Variants in CTNNA3 observed in about 807,000 individuals in gnomAD.
The protein encoded by CTNNA3 is catenin alpha-3.
Under a neutral mutation model 95.7 loss-of-function variants are expected in CTNNA3, and 76 were observed. That is an observed-to-expected ratio of 0.79 (90% CI 0.66 to 0.96). The LOEUF is 0.96. Among genes scored for constraint, CTNNA3 ranks in the 40% least tolerant of loss-of-function variants. The pLI is 0.00. For synonymous variants in CTNNA3, 431 were observed against 374.4 expected, an observed-to-expected ratio of 1.15 and a Z score of -1.74; for missense variants, 1,191 against 1,089.8, an observed-to-expected ratio of 1.09 and a Z score of -1.31.
intron 11 of CTNNA3, among the ~76,000 whole-genome samples, chr10:66,443,882 C>T (rs1035700815): frequency 6.6e-6 from 1 of 152,082 alleles, no homozygotes; most frequent in Non-Finnish European, 1.5e-5. Flanking sequence ...CTCCGAGCTA[C>T]AGGAGGAAAT....
At chr10:66,845,719 A>AAAAAAAAAAAAAAAAAAAAAAAC (rs1843236760) in intron 7 of CTNNA3, among the ~76,000 whole-genome samples, 1 of 73,226 alleles carries the variant, frequency 1.4e-5, no homozygotes, top group African/African-American at 4.2e-5. Flanking sequence ...AAAAAAAAAA[A>AAAAAAAAAAAAAAAAAAAAAAAC]AAAAAAAAAA....
chr10:66,045,995 G>T lies in CTNNA3; in HGVS notation c.2159+23313C>A, dbSNP rs141052557. On this transcript the variant is annotated intron_variant, in intron 15 of 17. Coordinates refer to ENST00000433211, the MANE Select transcript of CTNNA3 (RefSeq NM_013266.4). ...AGATGGCCGACTAGATGCAGCTGGTGTGCATGGCTGTCAGGGAGAAGAATG... is the reference window on the plus strand; with the variant it reads ...AGATGGCCGACTAGATGCAGCTGGTTTGCATGGCTGTCAGGGAGAAGAATG... Among the ~76,000 whole-genome samples, 653 of 152,322 alleles carry T rather than the reference G, an allele frequency of 4.3e-3. 5 individuals are homozygous for T. Among genetic ancestry groups the T allele is most frequent in the Middle Eastern group, 0.024 (7 of 294 alleles).
chr10:66,252,686 A>T (rs1433410757), intron 13 of CTNNA3, among the ~76,000 whole-genome samples: 1 of 152,208 alleles, frequency 6.6e-6, no homozygotes, highest in Non-Finnish European at 1.5e-5. Context: ...ACGAATAAAA[A>T]TTATTATAGA....
intron 9 of CTNNA3, among the ~76,000 whole-genome samples, chr10:66,639,138 TG>T (rs1845432887): frequency 6.6e-6 from 1 of 152,154 alleles, no homozygotes; most frequent in African/African-American, 2.4e-5. Flanking sequence ...CTGAAATCAC[TG>T]TTTTGGGAGC....
chr10:66,023,924 C>G (rs1453818631), intron 15 of CTNNA3, among the ~76,000 whole-genome samples: 1 of 152,062 alleles, frequency 6.6e-6, no homozygotes, highest in East Asian at 1.9e-4. Context: ...GAAACTCGTT[C>G]TACGATATTT....
intron 10 of CTNNA3, among the ~76,000 whole-genome samples, chr10:66,542,057 C>G (rs539847199): frequency 6.6e-6 from 1 of 152,034 alleles, no homozygotes; most frequent in Non-Finnish European, 1.5e-5. Flanking sequence ...AAACAAACAA[C>G]CCCATCAAAA....
At chr10:66,232,772 A>G (rs968920924) in intron 13 of CTNNA3, among the ~76,000 whole-genome samples, 4 of 152,184 alleles carry the variant, frequency 2.6e-5, no homozygotes, top group African/African-American at 9.7e-5. Context: ...AAAAGAGAAA[A>G]GATGATTGAT....
chr10:67,432,160 C>G (rs1035397456), intron 5 of CTNNA3, among the ~76,000 whole-genome samples: 1 of 151,662 alleles, frequency 6.6e-6, no homozygotes, highest in Non-Finnish European at 1.5e-5. Context: ...GGTCTGGAAC[C>G]AATTAACTAA....
At chr10:67,571,835 T>C (rs1841990720) in intron 3 of CTNNA3, among the ~76,000 whole-genome samples, 2 of 152,184 alleles carry the variant, frequency 1.3e-5, no homozygotes, top group Non-Finnish European at 2.9e-5. Flanking sequence ...TGACTGAGGA[T>C]CTGAATTTCT....
intron 7 of CTNNA3, among the ~76,000 whole-genome samples, chr10:66,860,606 T>A (rs1843878793): frequency 2.0e-5 from 3 of 152,218 alleles, no homozygotes; most frequent in Non-Finnish European, 4.4e-5. Context: ...TGTTTCTCTG[T>A]TCCTGTGTAT....
At chr10:66,780,801 A>G (rs1170319509) in intron 7 of CTNNA3, among the ~76,000 whole-genome samples, 1 of 152,204 alleles carries the variant, frequency 6.6e-6, no homozygotes, top group Non-Finnish European at 1.5e-5. Context: ...AAGACTGGAT[A>G]AGGTTTTGGC....
chr10:66,183,516 T>G (rs925403133), intron 13 of CTNNA3, among the ~76,000 whole-genome samples: 5 of 152,262 alleles, frequency 3.3e-5, no homozygotes, highest in Non-Finnish European at 5.9e-5. Context: ...TTCCACTTTT[T>G]AAGTGCTATG....
chr10:66,801,111 C>A (rs1325193342), intron 7 of CTNNA3, among the ~76,000 whole-genome samples: 4 of 151,148 alleles, frequency 2.6e-5, no homozygotes, highest in Non-Finnish European at 5.9e-5. Flanking sequence ...CACCTCTATT[C>A]AATAATAAGC....
chr10:66,872,391 G>A (rs1196670502), intron 7 of CTNNA3, among the ~76,000 whole-genome samples: 1 of 152,086 alleles, frequency 6.6e-6, no homozygotes, highest in Non-Finnish European at 1.5e-5. Flanking sequence ...AATTTTCGCT[G>A]GGTTCAGTGG....
intron 5 of CTNNA3, among the ~76,000 whole-genome samples, chr10:67,341,240 T>G (rs1842174807): frequency 1.3e-5 from 2 of 152,222 alleles, no homozygotes; most frequent in African/African-American, 4.8e-5. Context: ...AAATTATTAT[T>G]GACTATAGTC....
intron 2 of CTNNA3, among the ~76,000 whole-genome samples, chr10:67,631,641 G>A (rs530352762): frequency 1.3e-5 from 2 of 152,300 alleles, no homozygotes; most frequent in South Asian, 4.1e-4. Flanking sequence ...ATGTTTTCCA[G>A]TGAAATCAGA....
chr10:66,200,783 A>G lies in CTNNA3; in HGVS notation c.1884+79687T>C, dbSNP rs74141252. On this transcript the variant is annotated intron_variant, in intron 13 of 17. Transcript: ENST00000433211. ...TATTAAACATTACCCAGCATATAAAATATAATTTAATAGCTAAAGCTTAGG... is the reference window on the plus strand; with the variant it reads ...TATTAAACATTACCCAGCATATAAAGTATAATTTAATAGCTAAAGCTTAGG... 9.3e-3 allele frequency among the ~76,000 whole-genome samples: 1,420 copies of G among 152,344 alleles called. 29 individuals carry two copies. Among genetic ancestry groups the G allele is most frequent in the African/African-American group, 0.032 (1,343 of 41,574 alleles).
intron 5 of CTNNA3, among the ~76,000 whole-genome samples, chr10:67,254,494 T>A (rs1007014289): frequency 6.6e-6 from 1 of 152,148 alleles, no homozygotes; most frequent in African/African-American, 2.4e-5. Context: ...CTACTACAGA[T>A]GGCACTGGAA....
intron 5 of CTNNA3, among the ~76,000 whole-genome samples, chr10:67,500,228 G>A (rs902923677): frequency 5.9e-5 from 9 of 152,130 alleles, no homozygotes; most frequent in South Asian, 4.1e-4. Context: ...CAGTTTCCTC[G>A]TAGTTGTGCA....
Sources: allele counts gnomAD v4.1 joint callset (sites outside exome capture counted in the v4.1 genomes callset), GRCh38; gene constraint gnomAD v4.1.1; transcripts MANE v1.5; gene names NCBI Gene and HGNC (gene_info 2026-07-23, HGNC 2026-07-21).